The following EPHA6 variants were observed in gnomAD, a reference collection of about 807,000 sequenced individuals.
EPHA6 encodes the protein ephrin type-A receptor 6.
EPHA6 carries 50 observed loss-of-function variants against 112.0 expected under a neutral mutation model. The observed-to-expected ratio is 0.45, with a 90% CI of 0.36 to 0.56. The LOEUF (loss-of-function observed/expected upper bound fraction) is 0.56. Ranked by LOEUF, EPHA6 falls within the 20% of genes least tolerant of loss-of-function variation. The pLI, the probability that EPHA6 is intolerant of heterozygous loss-of-function variation, is 0.00. For synonymous variants in EPHA6, 529 were observed against 490.7 expected (o/e 1.08, Z -1.03); for missense variants, 1,280 against 1,417.4 (o/e 0.90, Z 1.56).
intron 4 of EPHA6, among the ~76,000 whole-genome samples, chr3:97,237,631 A>T (rs963772967): frequency 6.6e-6 from 1 of 152,040 alleles, no homozygotes; most frequent in African/African-American, 2.4e-5. Flanking sequence ...GAAACAGAAC[A>T]TCCATAATTG....
At chr3:97,715,621 G>A (rs1394074845) in intron 14 of EPHA6, among the ~76,000 whole-genome samples, 1 of 152,058 alleles carries the variant, frequency 6.6e-6, no homozygotes, top group Non-Finnish European at 1.5e-5. Context: ...TTTCCATTTG[G>A]TTCCAGTATT....
At chr3:96,953,647 TG>T (rs1247759853) in intron 2 of EPHA6, among the ~76,000 whole-genome samples, 4 of 152,110 alleles carry the variant, frequency 2.6e-5, no homozygotes, top group African/African-American at 9.7e-5. Context: ...AAGATAAAAA[TG>T]GGCCAGTTCT....
intron 3 of EPHA6, among the ~76,000 whole-genome samples, chr3:97,044,705 A>G (rs763107527): frequency 4.0e-5 from 6 of 150,252 alleles, no homozygotes; most frequent in Non-Finnish European, 7.4e-5. Context: ...CCAAACAACT[A>G]TGTTCTAGGA....
At chr3:97,178,452 C>A (rs1055990220) in intron 3 of EPHA6, among the ~76,000 whole-genome samples, 6 of 151,910 alleles carry the variant, frequency 3.9e-5, no homozygotes, top group African/African-American at 1.2e-4. Context: ...GAGTTTTGTA[C>A]CTTCAGGTGA....
chr3:97,604,980 G>C (rs978032107), intron 12 of EPHA6, among the ~76,000 whole-genome samples: 1 of 151,486 alleles, frequency 6.6e-6, no homozygotes, highest in Admixed American at 6.6e-5. Context: ...TGACCTTATA[G>C]AGAAGAATTG....
chr3:97,251,875 G>T (rs1206880177), intron 5 of EPHA6, among the ~76,000 whole-genome samples: 1 of 152,182 alleles, frequency 6.6e-6, no homozygotes, highest in Admixed American at 6.5e-5. Flanking sequence ...CTTTCTTTCA[G>T]TGATTTTTCT....
chr3:97,172,170 A>T (rs2076721508), intron 3 of EPHA6, among the ~76,000 whole-genome samples: 1 of 152,082 alleles, frequency 6.6e-6, no homozygotes. Context: ...CATTGGTTTA[A>T]AAGAGTGTAT....
chr3:97,147,844 G>A (rs764072826), intron 3 of EPHA6, among the ~76,000 whole-genome samples: 16 of 152,004 alleles, frequency 1.1e-4, no homozygotes, highest in Admixed American at 2.0e-4. Flanking sequence ...TCTGGATTCA[G>A]TACTAGAAAA....
intron 7 of EPHA6, among the ~76,000 whole-genome samples, chr3:97,470,503 T>C (rs1050183287): frequency 2.6e-5 from 4 of 151,716 alleles, no homozygotes; most frequent in Non-Finnish European, 5.9e-5. Context: ...TACTTTGAAA[T>C]GTAAATATAA....
At chr3:97,182,633 C>T (rs1048152606) in intron 3 of EPHA6, among the ~76,000 whole-genome samples, 2 of 152,046 alleles carry the variant, frequency 1.3e-5, no homozygotes, top group African/African-American at 4.8e-5. Flanking sequence ...ATCAAGAAAT[C>T]AGTCTAGTTT....
intron 6 of EPHA6, chr3:97,447,746 T>G (rs2107315068): frequency 9.9e-7 from 1 of 1,013,106 alleles, no homozygotes; most frequent in South Asian, 4.6e-5. Context: ...GCAAGTTCAC[T>G]TCCATTTAGT....
rs2035847940 is a variant in EPHA6 at position 97,749,700 on chromosome 3, ATTAAT to A, written c.*1009_*1013del. Among the ~76,000 whole-genome samples, 1 of 152,230 alleles carries A rather than the reference ATTAAT, an allele frequency of 6.6e-6. No homozygotes were observed. The highest frequency in any genetic ancestry group is 2.4e-5 in the African/African-American group (1 of 41,472). ...ATACCCTTAGATTTAATGTAAAATTATTAATTTAATTTAAACAGAACTTTATGATA... is the reference window on the plus strand; with the variant it reads ...ATACCCTTAGATTTAATGTAAAATTATTAATTTAAACAGAACTTTATGATA... On this transcript the variant is annotated 3_prime_UTR_variant, in exon 18 of 18. Coordinates refer to ENST00000389672, the MANE Select transcript of EPHA6 (RefSeq NM_001080448.3).
intron 5 of EPHA6, among the ~76,000 whole-genome samples, chr3:97,276,546 T>C (rs1338683101): frequency 2.6e-5 from 4 of 152,060 alleles, no homozygotes; most frequent in Non-Finnish European, 5.9e-5. Context: ...GTTTGTCTCA[T>C]AGTGGAGGCA....
chr3:97,094,838 TG>T (rs2047186255), intron 3 of EPHA6, among the ~76,000 whole-genome samples: 1 of 152,098 alleles, frequency 6.6e-6, no homozygotes, highest in Non-Finnish European at 1.5e-5. Flanking sequence ...ACTGCTGAAA[TG>T]TTAAAGAGTG....
At chr3:97,391,142 CATTA>C (rs2086372291) in intron 5 of EPHA6, among the ~76,000 whole-genome samples, 1 of 151,534 alleles carries the variant, frequency 6.6e-6, no homozygotes, top group Non-Finnish European at 1.5e-5. Context: ...TACTTTTTTA[CATTA>C]ATTCTACTTT....
intron 13 of EPHA6, among the ~76,000 whole-genome samples, chr3:97,615,618 G>A (rs2093759118): frequency 6.6e-6 from 1 of 152,116 alleles, no homozygotes; most frequent in African/African-American, 2.4e-5. Context: ...TTATTGTTTG[G>A]ACAACTTAGC....
chr3:96,848,531 A>T (rs2035208688), intron 1 of EPHA6, among the ~76,000 whole-genome samples: 1 of 152,088 alleles, frequency 6.6e-6, no homozygotes, highest in Admixed American at 6.6e-5. Context: ...AGACTGAAGC[A>T]AGAGAATTTC....
intron 1 of EPHA6, among the ~76,000 whole-genome samples, chr3:96,851,433 T>C (rs1356341546): frequency 6.6e-6 from 1 of 152,180 alleles, no homozygotes. Flanking sequence ...ACGCCAAGGC[T>C]ACCATCATTT....
chr3:96,887,185 G>T (rs1448789451), intron 2 of EPHA6, among the ~76,000 whole-genome samples: 3 of 152,128 alleles, frequency 2.0e-5, no homozygotes, highest in Admixed American at 6.5e-5. Flanking sequence ...TATTACTAGG[G>T]TTGGTTTTCT....
Sources: gnomAD v4.1 joint callset for allele counts (sites outside exome capture counted in the v4.1 genomes callset) on GRCh38, gnomAD v4.1.1 for gene constraint, MANE v1.5 for transcripts, NCBI Gene and HGNC (gene_info 2026-07-23, HGNC 2026-07-21) for gene names.